The following LIFR variants were observed in gnomAD, a reference collection of about 807,000 sequenced individuals.
The protein encoded by LIFR is leukemia inhibitory factor receptor.
LIFR carries 84 observed loss-of-function variants against 122.2 expected under a neutral mutation model. That is an observed-to-expected ratio of 0.69 (90% CI 0.58 to 0.82). The LOEUF (loss-of-function observed/expected upper bound fraction) is 0.82, where lower values mean the gene tolerates loss of function less well. Ranked by LOEUF, LIFR falls within the 40% of genes least tolerant of loss-of-function variation. The pLI is 0.00. For missense variants in LIFR, 1,294 were observed against 1,311.6 expected (o/e 0.99, Z 0.21); for synonymous variants, 422 against 434.7 (o/e 0.97, Z 0.36).
At chr5:38,542,887 T>C (rs1306001385) in intron 1 of LIFR, among the ~76,000 whole-genome samples, 5 of 152,126 alleles carry the variant, frequency 3.3e-5, no homozygotes, top group African/African-American at 1.2e-4. Context: ...TCGTAATGCA[T>C]ATGCTTACAT....
rs1287309997 is a variant in LIFR at position 38,476,610 on chromosome 5, A to G, written c.*4985T>C. ...ATAATATAAATCAACTTTCTTATCA[A>G]TTAGACATTTTCCCCACTCACATCT... On this transcript the variant is annotated 3_prime_UTR_variant, in exon 20 of 20. Coordinates refer to ENST00000453190, the MANE Select transcript of LIFR (RefSeq NM_001127671.2). 1 of 205,346 alleles carries G rather than the reference A, an allele frequency of 4.9e-6. No individual in the cohort carries two copies. The highest frequency in any genetic ancestry group is 1.0e-5 in the Non-Finnish European group (1 of 100,384). The allele number at this position is 205,346 out of a possible 1,614,324, so 12.7% of individuals were successfully genotyped here.
intron 1 of LIFR, among the ~76,000 whole-genome samples, chr5:38,578,205 TTC>T (rs1749451719): frequency 1.8e-5 from 1 of 56,426 alleles, no homozygotes; most frequent in Admixed American, 1.8e-4. Flanking sequence ...CTTTTTCTTT[TTC>T]TTTTTTTTTT....
Position 38,476,024 on chromosome 5 carries a change from A to G in LIFR, c.*5571T>C, listed in dbSNP as rs1743705743. 5.0e-6 allele frequency: 1 copy of G among 198,576 alleles called. No homozygotes were observed. The highest frequency in any genetic ancestry group is 2.3e-5 in the African/African-American group (1 of 43,476). The allele number at this position is 198,576 out of a possible 1,614,324, so 12.3% of individuals were successfully genotyped here. On this transcript the variant is annotated 3_prime_UTR_variant, in exon 20 of 20. Coordinates refer to ENST00000453190, the MANE Select transcript of LIFR (RefSeq NM_001127671.2). ...ACATAACACCTACCCCTCCACAACA[A>G]TGAAAGGTTTCTTTTTCGTGTTGTC...
Position 38,516,896 on chromosome 5 carries a change from T to C in LIFR, c.562-4932A>G, listed in dbSNP as rs182170482. Among the ~76,000 whole-genome samples the C allele has an allele frequency of 8.0e-3, 1,212 of 152,294 alleles. 16 individuals carry two copies. Among genetic ancestry groups the C allele is most frequent in the African/African-American group, 0.026 (1,069 of 41,558 alleles). ...GCAGCCATAAAAAAGGATGAGTTCATGTCCTTTGCAGGGACATGAATGAAG... is the reference window on the plus strand; with the variant it reads ...GCAGCCATAAAAAAGGATGAGTTCACGTCCTTTGCAGGGACATGAATGAAG... On this transcript the variant is annotated intron_variant, in intron 5 of 19. Coordinates refer to ENST00000453190, the MANE Select transcript of LIFR (RefSeq NM_001127671.2).
chr5:38,568,001 AC>A (rs1239074733), intron 1 of LIFR, among the ~76,000 whole-genome samples: 1 of 152,182 alleles, frequency 6.6e-6, no homozygotes, highest in Admixed American at 6.5e-5. Context: ...TTCAGATTCA[AC>A]CTATTCAAAA....
chr5:38,563,535 C>T (rs1379008556), intron 1 of LIFR, among the ~76,000 whole-genome samples: 2 of 152,162 alleles, frequency 1.3e-5, no homozygotes, highest in East Asian at 1.9e-4. Context: ...GATATGAATG[C>T]ACCAGTCTGT....
chr5:38,554,678 T>G (rs1267937330), intron 1 of LIFR, among the ~76,000 whole-genome samples: 1 of 152,062 alleles, frequency 6.6e-6, no homozygotes, highest in Non-Finnish European at 1.5e-5. Context: ...AAAGAACACG[T>G]ACAGAATGTT....
chr5:38,552,911 T>C (rs1748279798), intron 1 of LIFR, among the ~76,000 whole-genome samples: 1 of 152,236 alleles, frequency 6.6e-6, no homozygotes, highest in African/African-American at 2.4e-5. Context: ...GTGATGAAGG[T>C]GGTTCCTGGT....
chr5:38,495,412 C>G (rs2112425588), intron 13 of LIFR, among the ~76,000 whole-genome samples: 1 of 152,304 alleles, frequency 6.6e-6, no homozygotes, highest in South Asian at 2.1e-4. Context: ...AGCCCCTCCT[C>G]CCAGCACCTG....
At chr5:38,504,426 AAG>A (rs1491044954) in intron 9 of LIFR, among the ~76,000 whole-genome samples, 9 of 151,180 alleles carry the variant, frequency 6.0e-5, no homozygotes, top group African/African-American at 2.2e-4. Flanking sequence ...AAAAAAAAAA[AAG>A]AAAAGAAAAA....
At position 38,479,185 on chromosome 5, in the gene LIFR, C is replaced by T; in HGVS notation, c.*2410G>A. On this transcript the variant is annotated 3_prime_UTR_variant, in exon 20 of 20. Coordinates refer to ENST00000453190, the MANE Select transcript of LIFR (RefSeq NM_001127671.2). ...CACAAGGGTCTAGCTGTCTTGAATT[C>T]AATGAGGGAAAAGAAGGAAAACTGC... 4.3e-6 allele frequency: 1 copy of T among 231,754 alleles called. No homozygotes were observed. The highest frequency in any genetic ancestry group is 8.5e-6 in the Non-Finnish European group (1 of 117,086). The allele number at this position is 231,754 out of a possible 1,614,324, so 14.4% of individuals were successfully genotyped here.
intron 5 of LIFR, among the ~76,000 whole-genome samples, chr5:38,515,184 C>T (rs1746006907): frequency 6.6e-6 from 1 of 152,074 alleles, no homozygotes; most frequent in African/African-American, 2.4e-5. Flanking sequence ...AAACCTAGAA[C>T]TGCTTGGTAG....
At chr5:38,517,455 C>T (rs1746144178) in intron 5 of LIFR, among the ~76,000 whole-genome samples, 1 of 151,938 alleles carries the variant, frequency 6.6e-6, no homozygotes, top group African/African-American at 2.4e-5. Flanking sequence ...ATAAATAATA[C>T]CTTTAAGACA....
At chr5:38,507,048 T>C (rs75193944) in intron 7 of LIFR, among the ~76,000 whole-genome samples, 2,177 of 152,254 alleles carry the variant, frequency 0.014, 43 homozygotes, top group African/African-American at 0.049. Context: ...CCAAATCATA[T>C]TGAAAATCAG....
chr5:38,576,180 CT>C (rs1749378374), intron 1 of LIFR, among the ~76,000 whole-genome samples: 1 of 152,092 alleles, frequency 6.6e-6, no homozygotes, highest in African/African-American at 2.4e-5. Flanking sequence ...AGTTGTGAAC[CT>C]CAAAAACCAC....
chr5:38,480,426 A>G lies in LIFR; in HGVS notation c.*1169T>C, dbSNP rs1743928163. ...GCCCATGGATTCAGATCAGTTTATG[A>G]CAGTTACTAAGAAACAGCCCTTGGG... is the stretch of plus-strand genomic sequence containing the variant. On this transcript the variant is annotated 3_prime_UTR_variant, in exon 20 of 20. Coordinates refer to ENST00000453190, the MANE Select transcript of LIFR (RefSeq NM_001127671.2). The G allele has an allele frequency of 4.5e-6, 1 of 221,480 alleles. No homozygotes were observed. The highest frequency in any genetic ancestry group is 9.0e-6 in the Non-Finnish European group (1 of 110,750). The allele number at this position is 221,480 out of a possible 1,614,324, so 13.7% of individuals were successfully genotyped here. A position where few individuals can be genotyped will look rare whatever the true frequency, so the allele number is the denominator to read the frequency against.
intron 1 of LIFR, among the ~76,000 whole-genome samples, chr5:38,590,012 C>T (rs545384608): frequency 6.6e-6 from 1 of 152,140 alleles, no homozygotes; most frequent in African/African-American, 2.4e-5. Flanking sequence ...TTATTCCTAC[C>T]AAACCAATGG....
At chr5:38,550,067 AT>A (rs1303668741) in intron 1 of LIFR, 1 of 153,252 alleles carries the variant, frequency 6.5e-6, no homozygotes, top group Non-Finnish European at 1.4e-5. Context: ...CTTTGTTTAC[AT>A]TGCTAGCGGT....
At chr5:38,499,301 G>A (rs1561146053) in intron 12 of LIFR, among the ~76,000 whole-genome samples, 1 of 152,050 alleles carries the variant, frequency 6.6e-6, no homozygotes, top group African/African-American at 2.4e-5. Context: ...ACTCGAGAAG[G>A]CTCAGATCTG....
Sources: gnomAD v4.1 joint callset for allele counts (sites outside exome capture counted in the v4.1 genomes callset) on GRCh38, gnomAD v4.1.1 for gene constraint, MANE v1.5 for transcripts, NCBI Gene and HGNC (gene_info 2026-07-23, HGNC 2026-07-21) for gene names.